The following ZNF385B variants were observed in gnomAD, a reference collection of about 807,000 sequenced individuals.
ZNF385B encodes the protein zinc finger protein 385B, also known as zinc finger protein 533.
ZNF385B carries 23 observed loss-of-function variants against 39.2 expected under a neutral mutation model. The observed-to-expected ratio is 0.59, with a 90% CI of 0.42 to 0.83. The LOEUF (loss-of-function observed/expected upper bound fraction) is 0.83, where lower values mean the gene tolerates loss of function less well. ZNF385B is among the 40% of genes least tolerant of loss of function. ZNF385B has a pLI of 0.00. For missense variants in ZNF385B, 552 were observed against 598.9 expected (o/e 0.92, Z 0.82); for synonymous variants, 205 against 222.6 (o/e 0.92, Z 0.70).
chr2:179,740,410 G>A (rs912789308), intron 3 of ZNF385B, among the ~76,000 whole-genome samples: 2 of 152,166 alleles, frequency 1.3e-5, no homozygotes, highest in African/African-American at 4.8e-5. Flanking sequence ...GTGTTCCCTG[G>A]GGGAGGCATC....
intron 5 of ZNF385B, among the ~76,000 whole-genome samples, chr2:179,493,751 ATATACATATATG>A (rs1434101829): frequency 5.7e-5 from 8 of 139,940 alleles, no homozygotes; most frequent in African/African-American, 8.1e-5. Context: ...ACATATGTGT[ATATACATATATG>A]TATACATATA....
At position 179,675,961 on chromosome 2, in the gene ZNF385B, G is replaced by A. The variant is rs1373870771; in HGVS notation, c.298+93542C>T. Among the ~76,000 whole-genome samples, 3 of 151,218 alleles carry A rather than the reference G, an allele frequency of 2.0e-5. No homozygotes were observed. The East Asian group carries it at 5.8e-4, about 29-fold the overall frequency. Reference sequence around the variant, plus strand: ...CACCACCACACCCGGCTAATTTTTTGTATTTTTAGTAGAGACGGGGTTTCA... The same window carrying A: ...CACCACCACACCCGGCTAATTTTTTATATTTTTAGTAGAGACGGGGTTTCA... On this transcript the variant is annotated intron_variant, in intron 3 of 9. Transcript: ENST00000410066.
At chr2:179,748,950 C>G (rs545438282) in intron 3 of ZNF385B, among the ~76,000 whole-genome samples, 5 of 152,180 alleles carry the variant, frequency 3.3e-5, no homozygotes, top group Non-Finnish European at 7.4e-5. Flanking sequence ...ATTCACTGAA[C>G]AAACTAGACT....
intron 3 of ZNF385B, among the ~76,000 whole-genome samples, chr2:179,580,291 G>T (rs80300097): frequency 0.076 from 11,606 of 152,114 alleles, 525 homozygotes; most frequent in Non-Finnish European, 0.1. Flanking sequence ...TTAAACCAGA[G>T]ATCTCATTAG....
intron 3 of ZNF385B, among the ~76,000 whole-genome samples, chr2:179,746,313 G>C (rs1008200048): frequency 6.6e-6 from 1 of 152,112 alleles, no homozygotes; most frequent in Non-Finnish European, 1.5e-5. Context: ...ACTTATAAAG[G>C]CTGCATAAAT....
intron 1 of ZNF385B, among the ~76,000 whole-genome samples, chr2:179,828,428 C>T (rs961102009): frequency 6.6e-6 from 1 of 152,128 alleles, no homozygotes; most frequent in Non-Finnish European, 1.5e-5. Flanking sequence ...GCAATAATGG[C>T]CTGTATTTGA....
intron 1 of ZNF385B, among the ~76,000 whole-genome samples, chr2:179,834,587 G>C (rs538511414): frequency 3.7e-4 from 57 of 152,260 alleles, no homozygotes; most frequent in Non-Finnish European, 6.8e-4. Flanking sequence ...TGAGTGTACA[G>C]GGAACAAGAG....
chr2:179,526,557 T>C lies in ZNF385B; in HGVS notation c.442-7919A>G, dbSNP rs527865070. On this transcript the variant is annotated intron_variant, in intron 4 of 9. Transcript: ENST00000410066. ...TTGCAGTGAGCCAAGATTGCACCAT[T>C]GCACTCCAACCTGGGCAACAAGAGC... 4.6e-5 allele frequency among the ~76,000 whole-genome samples: 7 copies of C among 151,760 alleles called. 1 individual carries two copies. In the South Asian group the frequency reaches 1.5e-3, roughly 32 times the overall value.
chr2:179,816,821 T>A (rs1024904713), intron 1 of ZNF385B, among the ~76,000 whole-genome samples: 4 of 152,204 alleles, frequency 2.6e-5, no homozygotes, highest in African/African-American at 9.6e-5. Context: ...TGTACTCTAA[T>A]TGCCATTCTC....
chr2:179,485,086 G>A (rs541151899), intron 5 of ZNF385B, among the ~76,000 whole-genome samples: 1 of 152,220 alleles, frequency 6.6e-6, no homozygotes, highest in Admixed American at 6.5e-5. Flanking sequence ...TTCCAAATGG[G>A]GAAGACTTCT....
In ZNF385B at chr2:179,580,356, G is replaced by T. The variant is rs796136479; in HGVS notation, c.299-35387C>A. ...AATCTTCCACCATAGAAAACTTTAGGCAGGTTGCCCAGAATGGCATAGGGA... is the reference window on the plus strand; with the variant it reads ...AATCTTCCACCATAGAAAACTTTAGTCAGGTTGCCCAGAATGGCATAGGGA... On this transcript the variant is annotated intron_variant, in intron 3 of 9. Transcript: ENST00000410066. Among the ~76,000 whole-genome samples, 31 of 152,168 alleles carry T rather than the reference G, an allele frequency of 2.0e-4. 1 individual carries two copies. Among genetic ancestry groups the T allele is most frequent in the African/African-American group, 7.0e-4 (29 of 41,522 alleles).
chr2:179,766,776 T>C (rs568380296), intron 3 of ZNF385B, among the ~76,000 whole-genome samples: 206 of 152,290 alleles, frequency 1.4e-3, no homozygotes, highest in Non-Finnish European at 2.4e-3. Context: ...TCCAATATAT[T>C]TTTTTGTGTG....
At chr2:179,718,564 G>A (rs1238084875) in intron 3 of ZNF385B, among the ~76,000 whole-genome samples, 1 of 148,166 alleles carries the variant, frequency 6.7e-6, no homozygotes, top group Non-Finnish European at 1.5e-5. Context: ...TCCAGTATAG[G>A]ACGATTCTAA....
chr2:179,638,025 C>T (rs1221807109), intron 3 of ZNF385B, among the ~76,000 whole-genome samples: 1 of 152,124 alleles, frequency 6.6e-6, no homozygotes, highest in Non-Finnish European at 1.5e-5. Context: ...CATTTATCTG[C>T]ATATTCAAAA....
chr2:179,792,175 G>A (rs548260149), intron 1 of ZNF385B, among the ~76,000 whole-genome samples: 1 of 151,906 alleles, frequency 6.6e-6, no homozygotes, highest in Non-Finnish European at 1.5e-5. Context: ...CTTCATCCCA[G>A]CCCTAGGATA....
At chr2:179,836,513 C>CTTTTTTTTT (rs755278598) in intron 1 of ZNF385B, among the ~76,000 whole-genome samples, 1,750 of 123,912 alleles carry the variant, frequency 0.014, 57 homozygotes, top group African/African-American at 0.019. Flanking sequence ...CTTGCGTTTT[C>CTTTTTTTTT]TTTTTTTTTT....
chr2:179,458,221 C>T lies in ZNF385B; in HGVS notation c.716-11451G>A, dbSNP rs975191005. ...GACCTAGTGGGAGGTAATTGAATCACGTGGGCAGGTCTTTCTCATGCTGTT... is the reference window on the plus strand; with the variant it reads ...GACCTAGTGGGAGGTAATTGAATCATGTGGGCAGGTCTTTCTCATGCTGTT... On this transcript the variant is annotated intron_variant, in intron 6 of 9. Transcript: ENST00000410066. Among the ~76,000 whole-genome samples the T allele has an allele frequency of 1.8e-4, 27 of 152,258 alleles. No homozygotes were observed. In the East Asian group the frequency reaches 4.6e-3, roughly 26 times the overall value.
At chr2:179,465,519 C>T (rs746295422) in intron 6 of ZNF385B, among the ~76,000 whole-genome samples, 2 of 152,160 alleles carry the variant, frequency 1.3e-5, no homozygotes, top group Non-Finnish European at 2.9e-5. Flanking sequence ...GTAGTCCTCA[C>T]GTCAATTGAT....
At chr2:179,549,917 T>C (rs2060465041) in intron 3 of ZNF385B, among the ~76,000 whole-genome samples, 1 of 148,990 alleles carries the variant, frequency 6.7e-6, no homozygotes. Flanking sequence ...AATACTCTGA[T>C]CTCAGCCTGT....
Sources: gnomAD v4.1 joint callset for allele counts (sites outside exome capture counted in the v4.1 genomes callset) on GRCh38, gnomAD v4.1.1 for gene constraint, MANE v1.5 for transcripts, NCBI Gene and HGNC (gene_info 2026-07-23, HGNC 2026-07-21) for gene names.